AIG1: variants seen among roughly 807,000 people sequenced by gnomAD.
AIG1 encodes androgen induced 1.
Under a neutral mutation model 31.4 loss-of-function variants are expected in AIG1, and 23 were observed. The observed-to-expected ratio is 0.73, with a 90% CI of 0.53 to 1.04. The LOEUF (loss-of-function observed/expected upper bound fraction) is 1.04. Ranked by LOEUF, AIG1 falls within the 50% of genes least tolerant of loss-of-function variation. The pLI, the probability that AIG1 is intolerant of heterozygous loss-of-function variation, is 0.00. For missense variants in AIG1, 274 were observed against 295.0 expected, an observed-to-expected ratio of 0.93 and a Z score of 0.52; for synonymous variants, 100 against 110.5, an observed-to-expected ratio of 0.90 and a Z score of 0.60.
Position 143,060,895 on chromosome 6 carries a change from G to T in AIG1, c.-31G>T. ...CGCCTCCCTCACGCCCGCCCTCCTT[G>T]CCGCCCAGCCGGTCCAGGCCTCTGG... On this transcript the variant is annotated 5_prime_UTR_variant, in exon 1 of 6. Transcript: ENST00000357847. The T allele has an allele frequency of 1.4e-6, 2 of 1,433,822 alleles. No individual in the cohort carries two copies. The highest frequency in any genetic ancestry group is 9.2e-7 in the Non-Finnish European group (1 of 1,083,590). 88.8% of individuals were successfully genotyped at this position (1,433,822 alleles called of 1,614,324 possible).
intron 1 of AIG1, among the ~76,000 whole-genome samples, chr6:143,076,404 G>A (rs928307881): frequency 6.6e-6 from 1 of 152,048 alleles, no homozygotes; most frequent in Admixed American, 6.6e-5. Context: ...TTGTATTAGT[G>A]TTTGCATGGT....
rs4895603 is a variant in AIG1 at position 143,231,409 on chromosome 6, G to A, written c.400-52701G>A. Reference sequence around the variant, plus strand: ...ATTTTTAAAATAGACATAAGATGAGGCGCATTGACTTAGCTGGGAAAGCTT... The same window carrying A: ...ATTTTTAAAATAGACATAAGATGAGACGCATTGACTTAGCTGGGAAAGCTT... On this transcript the variant is annotated intron_variant, in intron 3 of 5. Transcript: ENST00000357847. Among the ~76,000 whole-genome samples, 919 of 152,288 alleles carry A rather than the reference G, an allele frequency of 6.0e-3. 34 individuals are homozygous for A. The highest frequency in any genetic ancestry group is 0.053 in the Admixed American group (806 of 15,292).
At chr6:143,241,396 C>A (rs1480892718) in intron 3 of AIG1, among the ~76,000 whole-genome samples, 1 of 152,240 alleles carries the variant, frequency 6.6e-6, no homozygotes, top group Non-Finnish European at 1.5e-5. Flanking sequence ...TTCCTGACAA[C>A]TTTTCCCTCA....
intron 3 of AIG1, chr6:143,188,377 A>C: frequency 1.0e-6 from 1 of 985,446 alleles, no homozygotes; most frequent in Non-Finnish European, 1.2e-6. Flanking sequence ...GCCTGATTGC[A>C]CTTCTCATGC....
chr6:143,324,947 A>G (rs377433549), intron 4 of AIG1, among the ~76,000 whole-genome samples: 1 of 152,240 alleles, frequency 6.6e-6, no homozygotes, highest in African/African-American at 2.4e-5. Flanking sequence ...AAATTTGGCC[A>G]TGTAGCAAAA....
chr6:143,248,305 A>G (rs541023176), intron 3 of AIG1, among the ~76,000 whole-genome samples: 73 of 152,350 alleles, frequency 4.8e-4, no homozygotes, highest in Non-Finnish European at 9.0e-4. Flanking sequence ...CTGTTTGCAT[A>G]GAGTACGTCA....
intron 3 of AIG1, among the ~76,000 whole-genome samples, chr6:143,218,234 G>A (rs1583538811): frequency 6.6e-6 from 1 of 152,170 alleles, no homozygotes; most frequent in Non-Finnish European, 1.5e-5. Context: ...CGTTTGAAGA[G>A]AATCCTGTTT....
intron 3 of AIG1, among the ~76,000 whole-genome samples, chr6:143,261,906 A>C (rs1180878321): frequency 6.6e-6 from 1 of 152,238 alleles, no homozygotes; most frequent in Non-Finnish European, 1.5e-5. Flanking sequence ...TTGGCTGATA[A>C]TCCTTGCACT....
Position 143,258,621 on chromosome 6 carries a change from G to A in AIG1, c.400-25489G>A, listed in dbSNP as rs1480876937. Among the ~76,000 whole-genome samples, 1 of 152,224 alleles carries A rather than the reference G, an allele frequency of 6.6e-6. No homozygotes were observed. The highest frequency in any genetic ancestry group is 1.5e-5 in the Non-Finnish European group (1 of 68,042). ...AAGGAGGGGCATGAAGTAGAATAGA[G>A]AAAGAAACCAAGGAAGGAACTAGCA... On this transcript the variant is annotated intron_variant, in intron 3 of 5. Transcript: ENST00000357847. This position sits in a 1 kb window ranked among gnomAD's most constrained non-coding sequence, Gnocchi z 4.7.
At chr6:143,310,270 A>G (rs1367302414) in intron 4 of AIG1, among the ~76,000 whole-genome samples, 1 of 151,966 alleles carries the variant, frequency 6.6e-6, no homozygotes, top group Non-Finnish European at 1.5e-5. Flanking sequence ...ACAGAGTTAA[A>G]AAAATAGAAA....
At chr6:143,106,017 A>G (rs1434102055) in intron 1 of AIG1, among the ~76,000 whole-genome samples, 1 of 152,180 alleles carries the variant, frequency 6.6e-6, no homozygotes, top group African/African-American at 2.4e-5. Flanking sequence ...GTGTCCCTCT[A>G]AAATTCATGT....
At chr6:143,272,459 A>G (rs1360574297) in intron 3 of AIG1, among the ~76,000 whole-genome samples, 1 of 152,200 alleles carries the variant, frequency 6.6e-6, no homozygotes, top group Admixed American at 6.5e-5. Flanking sequence ...GAGAAGAGAG[A>G]GAGTGAACAC....
chr6:143,317,771 G>A (rs1477184735), intron 4 of AIG1, among the ~76,000 whole-genome samples: 1 of 152,132 alleles, frequency 6.6e-6, no homozygotes, highest in South Asian at 2.1e-4. Flanking sequence ...AAAGCTCCTA[G>A]AACTAATAAA....
intron 3 of AIG1, among the ~76,000 whole-genome samples, chr6:143,234,028 G>T (rs1001258638): frequency 6.6e-6 from 1 of 152,168 alleles, no homozygotes; most frequent in African/African-American, 2.4e-5. Flanking sequence ...CCGCTGGGAA[G>T]CCAGCTCCGT....
intron 2 of AIG1, among the ~76,000 whole-genome samples, chr6:143,164,733 C>T (rs1237179845): frequency 4.6e-5 from 7 of 152,148 alleles, no homozygotes; most frequent in East Asian, 1.9e-4. Context: ...TAATGGGATC[C>T]GAAAAAACCA....
chr6:143,067,028 G>T (rs947823352), intron 1 of AIG1, among the ~76,000 whole-genome samples: 1 of 152,064 alleles, frequency 6.6e-6, no homozygotes, highest in Non-Finnish European at 1.5e-5. Flanking sequence ...TTATTTGGGG[G>T]TGCTTGCATG....
chr6:143,234,491 CT>C (rs1469620649), intron 3 of AIG1, among the ~76,000 whole-genome samples: 1 of 152,148 alleles, frequency 6.6e-6, no homozygotes, highest in African/African-American at 2.4e-5. Flanking sequence ...CATCAGATGT[CT>C]TTCAGGAGCT....
rs9484728 is a variant in AIG1, at chr6:143,330,043, G to A, written c.516-3239G>A. On this transcript the variant is annotated intron_variant, in intron 4 of 5. Transcript: ENST00000357847. This position sits in a 1 kb window ranked among gnomAD's most constrained non-coding sequence, Gnocchi z 4.4. ...TAAAAAAAATTCATAAGTTATTGGC[G>A]AAGTGCCTGCCATATAGTAATGGCT... Among the ~76,000 whole-genome samples, 433 of 152,128 alleles carry A rather than the reference G, an allele frequency of 2.8e-3. 3 individuals carry two copies. Among genetic ancestry groups the A allele is most frequent in the African/African-American group, 0.01 (415 of 41,484 alleles).
Position 143,334,018 on chromosome 6 carries a change from T to C in AIG1, c.679+573T>C. On this transcript the variant is annotated intron_variant, in intron 5 of 5. Transcript: ENST00000357847. This position sits in a 1 kb window ranked among gnomAD's most constrained non-coding sequence, Gnocchi z 5.1. ...ACAAGCAGTAAAAGATAATATTTCG[T>C]GGCTGGAAAAACTCTTTTAACCTGT... is the stretch of plus-strand genomic sequence containing the variant. The C allele has an allele frequency of 3.9e-6, 6 of 1,531,008 alleles. No individual in the cohort carries two copies. In the East Asian group the frequency reaches 1.2e-4, roughly 31 times the overall value. 94.8% of individuals were successfully genotyped at this position (1,531,008 alleles called of 1,614,324 possible).
Sources: gnomAD v4.1 joint callset for allele counts (sites outside exome capture counted in the v4.1 genomes callset) on GRCh38, gnomAD v4.1.1 for gene constraint, Gnocchi (gnomAD v3.1) non-coding constraint, MANE v1.5 for transcripts, NCBI Gene and HGNC (gene_info 2026-07-23, HGNC 2026-07-21) for gene names.